ATP8B4: variants seen among roughly 807,000 people sequenced by gnomAD.
ATP8B4 encodes the protein ATPase phospholipid transporting 8B4 (putative).
A neutral mutation model predicts 145.6 loss-of-function variants in ATP8B4; 133 were observed. The observed-to-expected ratio is 0.91, with a 90% CI of 0.79 to 1.05. The LOEUF (loss-of-function observed/expected upper bound fraction) is 1.05. Ranked by LOEUF, ATP8B4 falls within the 50% of genes least tolerant of loss-of-function variation. ATP8B4 has a pLI of 0.00. For missense variants in ATP8B4, 1,458 were observed against 1,425.2 expected (o/e 1.02, Z -0.37); for synonymous variants, 507 against 492.9 (o/e 1.03, Z -0.38).
At chr15:49,865,983 G>T (rs1159207810) in intron 26 of ATP8B4, among the ~76,000 whole-genome samples, 3 of 152,144 alleles carry the variant, frequency 2.0e-5, no homozygotes, top group African/African-American at 4.8e-5. Context: ...GTGATAATGT[G>T]GCATAAAAGG....
At chr15:49,958,559 A>G (rs1451415976) in intron 14 of ATP8B4, among the ~76,000 whole-genome samples, 1 of 151,866 alleles carries the variant, frequency 6.6e-6, no homozygotes, top group Non-Finnish European at 1.5e-5. Context: ...GAAATAATAA[A>G]AAGAACCACA....
At chr15:49,916,242 T>A (rs954874415) in intron 20 of ATP8B4, among the ~76,000 whole-genome samples, 27 of 152,110 alleles carry the variant, frequency 1.8e-4, no homozygotes, top group Admixed American at 1.3e-3. Flanking sequence ...AATAAATTGG[T>A]ACATCTTAAG....
intron 17 of ATP8B4, chr15:49,922,468 G>A (rs954706842): frequency 7.2e-6 from 3 of 414,730 alleles, no homozygotes; most frequent in Non-Finnish European, 1.4e-5. Flanking sequence ...AGCTATGTTT[G>A]TAACCAATAT....
intron 8 of ATP8B4, among the ~76,000 whole-genome samples, chr15:49,999,622 C>T (rs572071693): frequency 9.9e-5 from 15 of 152,176 alleles, no homozygotes; most frequent in African/African-American, 2.9e-4. Context: ...CTTAATCTGC[C>T]TGAGTATCTT....
chr15:50,035,542 T>C (rs1324257528), intron 6 of ATP8B4, among the ~76,000 whole-genome samples: 1 of 152,096 alleles, frequency 6.6e-6, no homozygotes, highest in Non-Finnish European at 1.5e-5. Context: ...CTCCTCATCT[T>C]TAAAATTGGG....
chr15:49,947,014 A>C (rs1029457337), intron 14 of ATP8B4, among the ~76,000 whole-genome samples: 2 of 152,222 alleles, frequency 1.3e-5, no homozygotes, highest in Non-Finnish European at 2.9e-5. Flanking sequence ...TGAAAGGCAC[A>C]CTGTAAACAT....
intron 6 of ATP8B4, among the ~76,000 whole-genome samples, chr15:50,035,330 G>A (rs1287473564): frequency 1.3e-5 from 2 of 152,050 alleles, no homozygotes; most frequent in Non-Finnish European, 2.9e-5. Flanking sequence ...TTAACATATA[G>A]GTAAACTACA....
At chr15:50,023,579 T>G (rs566604870) in intron 6 of ATP8B4, among the ~76,000 whole-genome samples, 6 of 151,976 alleles carry the variant, frequency 3.9e-5, no homozygotes, top group Non-Finnish European at 7.4e-5. Context: ...TCAATTCCAG[T>G]GTTCTTTCTT....
At chr15:50,033,492 C>T (rs1038023789) in intron 6 of ATP8B4, among the ~76,000 whole-genome samples, 2 of 152,150 alleles carry the variant, frequency 1.3e-5, no homozygotes, top group Non-Finnish European at 2.9e-5. Context: ...GAAGAATGAA[C>T]AGAGAATCCT....
At chr15:50,086,670 AT>A (rs1439048535) in intron 2 of ATP8B4, among the ~76,000 whole-genome samples, 9 of 110,828 alleles carry the variant, frequency 8.1e-5, no homozygotes, top group Non-Finnish European at 1.5e-4. Context: ...AGAGATCTAT[AT>A]TTATTATATA....
At chr15:49,953,243 G>C (rs1319251380) in intron 14 of ATP8B4, among the ~76,000 whole-genome samples, 2 of 152,048 alleles carry the variant, frequency 1.3e-5, no homozygotes, top group African/African-American at 4.8e-5. Context: ...TTGGTGGAAG[G>C]GCTGTGTTTC....
intron 1 of ATP8B4, among the ~76,000 whole-genome samples, chr15:50,154,094 A>G (rs1236349138): frequency 1.3e-5 from 2 of 152,206 alleles, no homozygotes; most frequent in African/African-American, 4.8e-5. Context: ...TCATAAACAC[A>G]TCCTTCATAA....
At chr15:49,951,049 T>C (rs564582482) in intron 14 of ATP8B4, among the ~76,000 whole-genome samples, 28 of 148,672 alleles carry the variant, frequency 1.9e-4, no homozygotes, top group African/African-American at 6.3e-4. Context: ...AATTGCACTG[T>C]GGTCTGAGAG....
chr15:49,946,613 T>C (rs2042588290), intron 14 of ATP8B4, among the ~76,000 whole-genome samples: 1 of 152,218 alleles, frequency 6.6e-6, no homozygotes, highest in Non-Finnish European at 1.5e-5. Flanking sequence ...TTTTTTTTTT[T>C]TTAAATCTCT....
chr15:49,994,498 G>C (rs574297362), intron 9 of ATP8B4, among the ~76,000 whole-genome samples: 2 of 152,072 alleles, frequency 1.3e-5, no homozygotes, highest in Non-Finnish European at 1.5e-5. Context: ...GAAGCTTGGC[G>C]TACATCAGTG....
chr15:50,018,834 T>C (rs537837104), intron 6 of ATP8B4: 3 of 827,216 alleles, frequency 3.6e-6, no homozygotes, highest in East Asian at 1.3e-4. Context: ...GATTTATTTA[T>C]AATCATGGGT....
intron 24 of ATP8B4, among the ~76,000 whole-genome samples, chr15:49,877,050 A>T (rs992745123): frequency 6.6e-6 from 1 of 152,202 alleles, no homozygotes; most frequent in African/African-American, 2.4e-5. Flanking sequence ...GGGAAACTGC[A>T]TTTGGGATTC....
At chr15:50,017,877 T>G (rs1302373173) in intron 6 of ATP8B4, among the ~76,000 whole-genome samples, 1 of 152,248 alleles carries the variant, frequency 6.6e-6, no homozygotes, top group Non-Finnish European at 1.5e-5. Flanking sequence ...GCAGTAATAC[T>G]GTCCCAGAAC....
chr15:50,074,622 T>C (rs564541852), intron 2 of ATP8B4, among the ~76,000 whole-genome samples: 2 of 152,290 alleles, frequency 1.3e-5, no homozygotes, highest in Admixed American at 6.5e-5. Flanking sequence ...GTCACTGACC[T>C]TATGGTCTTA....
Sources: allele counts gnomAD v4.1 joint callset (sites outside exome capture counted in the v4.1 genomes callset), GRCh38; gene constraint gnomAD v4.1.1; transcripts MANE v1.5; gene names NCBI Gene and HGNC (gene_info 2026-07-23, HGNC 2026-07-21).